CNTNAP2: variants seen among roughly 807,000 people sequenced by gnomAD.
The protein encoded by CNTNAP2 is contactin-associated protein-like 2.
CNTNAP2 carries 98 observed loss-of-function variants against 155.2 expected under a neutral mutation model. The ratio of observed to expected loss-of-function variants is 0.63; its 90% confidence interval spans 0.54 to 0.75. CNTNAP2 has a LOEUF of 0.75. CNTNAP2 is among the 30% of genes least tolerant of loss of function. The pLI is 0.00. For missense variants in CNTNAP2, 1,727 were observed against 1,688.1 expected (o/e 1.02, Z -0.40); for synonymous variants, 651 against 631.2 (o/e 1.03, Z -0.47).
intron 1 of CNTNAP2, among the ~76,000 whole-genome samples, chr7:146,668,771 A>G (rs1800244953): frequency 6.6e-6 from 1 of 151,970 alleles, no homozygotes; most frequent in Non-Finnish European, 1.5e-5. Flanking sequence ...TAGGTTTTCA[A>G]CTAGGTTTTC....
rs544573087 is a variant in CNTNAP2 at position 146,480,941 on chromosome 7, A to G, written c.98-293330A>G. On this transcript the variant is annotated intron_variant, in intron 1 of 23. Transcript: ENST00000361727. The stretch of plus-strand genomic sequence containing the variant: ...GTGATCCGCCCGCCTCGGCCTCCCA[A>G]AGTGCTGGTACCACAGGCATGAGCC... 2.0e-5 allele frequency among the ~76,000 whole-genome samples: 3 copies of G among 152,032 alleles called. No individual in the cohort carries two copies. The East Asian group carries it at 5.8e-4, about 29-fold the overall frequency.
At chr7:147,197,642 G>C (rs1802833464) in intron 8 of CNTNAP2, among the ~76,000 whole-genome samples, 1 of 152,178 alleles carries the variant, frequency 6.6e-6, no homozygotes, top group Non-Finnish European at 1.5e-5. Flanking sequence ...TCAGAAGATG[G>C]AGAATATCCA....
chr7:147,300,312 G>A (rs371650944), intron 9 of CNTNAP2, 22 bp downstream of exon 9: 2 of 1,613,164 alleles, frequency 1.2e-6, no homozygotes. Context: ...ATTCCTTTTT[G>A]GTTACTAATC....
intron 21 of CNTNAP2, among the ~76,000 whole-genome samples, chr7:148,334,913 A>G (rs538606984): frequency 6.6e-6 from 1 of 152,322 alleles, no homozygotes; most frequent in East Asian, 1.9e-4. Flanking sequence ...TTTAGAGGGC[A>G]GTGTTTGCAG....
chr7:148,204,322 T>C (rs568714298), intron 18 of CNTNAP2, among the ~76,000 whole-genome samples: 5 of 152,216 alleles, frequency 3.3e-5, no homozygotes, highest in Non-Finnish European at 5.9e-5. Context: ...ATATATGAAA[T>C]AAAGTAGTTG....
intron 13 of CNTNAP2, among the ~76,000 whole-genome samples, chr7:147,696,898 C>T (rs1796168980): frequency 6.6e-6 from 1 of 151,732 alleles, no homozygotes; most frequent in East Asian, 1.9e-4. Context: ...AGTGTTTTTC[C>T]CTCCCTCTGG....
At chr7:147,714,832 CA>C (rs1174545780) in intron 13 of CNTNAP2, among the ~76,000 whole-genome samples, 1 of 152,002 alleles carries the variant, frequency 6.6e-6, no homozygotes, top group East Asian at 1.9e-4. Context: ...TACTTATTTA[CA>C]GCGGAATCTA....
chr7:147,430,414 T>G (rs532415228), intron 10 of CNTNAP2, among the ~76,000 whole-genome samples: 1 of 152,332 alleles, frequency 6.6e-6, no homozygotes, highest in African/African-American at 2.4e-5. Flanking sequence ...TCAGTGAAGA[T>G]ACTTAGAGAA....
At chr7:148,396,305 C>T (rs756621010) in intron 22 of CNTNAP2, among the ~76,000 whole-genome samples, 1 of 152,260 alleles carries the variant, frequency 6.6e-6, no homozygotes, top group East Asian at 1.9e-4. Flanking sequence ...TTCCTTACCC[C>T]CAGCGATCCC....
At chr7:146,550,417 T>TGTTGTTG (rs1563130855) in intron 1 of CNTNAP2, among the ~76,000 whole-genome samples, 1 of 134,534 alleles carries the variant, frequency 7.4e-6, no homozygotes, top group South Asian at 2.4e-4. Flanking sequence ...TTTTTTTTTT[T>TGTTGTTG]TTTTTTTTTT....
intron 1 of CNTNAP2, among the ~76,000 whole-genome samples, chr7:146,647,214 G>A (rs1799829359): frequency 6.6e-6 from 1 of 152,098 alleles, no homozygotes; most frequent in South Asian, 2.1e-4. Flanking sequence ...TGGCTCCCTC[G>A]CTGTTTGACA....
chr7:147,247,609 T>C (rs1042440179), intron 8 of CNTNAP2, among the ~76,000 whole-genome samples: 1 of 152,230 alleles, frequency 6.6e-6, no homozygotes, highest in Admixed American at 6.5e-5. Context: ...ATTCAAACAC[T>C]GAAGATAAAG....
chr7:147,903,051 G>A (rs2710116), intron 13 of CNTNAP2, among the ~76,000 whole-genome samples: 57,167 of 151,836 alleles, frequency 0.38, 10,906 homozygotes, highest in Middle Eastern at 0.45. Flanking sequence ...GAATCTCCAC[G>A]CTGTTTTCCA....
chr7:147,637,825 A>G (rs965676573), intron 12 of CNTNAP2, among the ~76,000 whole-genome samples: 1 of 152,188 alleles, frequency 6.6e-6, no homozygotes, highest in African/African-American at 2.4e-5. Context: ...TGGTTATATT[A>G]GCAGCCATTG....
chr7:147,082,531 A>G (rs560616475), intron 4 of CNTNAP2: 1 of 152,318 alleles, frequency 6.6e-6, no homozygotes, highest in Non-Finnish European at 1.5e-5. Flanking sequence ...TCACTAAAGT[A>G]AAGCTCACCT....
chr7:146,791,939 T>A (rs1363184906), intron 2 of CNTNAP2, among the ~76,000 whole-genome samples: 1 of 152,228 alleles, frequency 6.6e-6, no homozygotes, highest in East Asian at 1.9e-4. Context: ...CCCTACTATT[T>A]TTTTCTTTGT....
intron 3 of CNTNAP2, among the ~76,000 whole-genome samples, chr7:147,024,630 C>T (rs533599870): frequency 1.3e-5 from 2 of 152,284 alleles, no homozygotes; most frequent in Non-Finnish European, 2.9e-5. Flanking sequence ...GATTATATGT[C>T]AAGCATGATG....
At chr7:147,642,003 T>C (rs1036822530) in intron 13 of CNTNAP2, among the ~76,000 whole-genome samples, 8 of 129,642 alleles carry the variant, frequency 6.2e-5, no homozygotes, top group African/African-American at 2.5e-4. Context: ...CATAGGTGTG[T>C]GTGTGTGCGT....
chr7:146,578,567 G>A (rs1178446422), intron 1 of CNTNAP2, among the ~76,000 whole-genome samples: 2 of 152,110 alleles, frequency 1.3e-5, no homozygotes, highest in Non-Finnish European at 2.9e-5. Context: ...TACATTCAGA[G>A]TACTTAAAAT....
Sources: gnomAD v4.1 joint callset for allele counts (sites outside exome capture counted in the v4.1 genomes callset) on GRCh38, gnomAD v4.1.1 for gene constraint, MANE v1.5 for transcripts, NCBI Gene and HGNC (gene_info 2026-07-23, HGNC 2026-07-21) for gene names.